SLC25A21: variants seen among roughly 807,000 people sequenced by gnomAD.
The protein encoded by SLC25A21 is solute carrier family 25 member 21.
SLC25A21 carries 47 observed loss-of-function variants against 43.8 expected under a neutral mutation model. The ratio of observed to expected loss-of-function variants is 1.07; its 90% CI spans 0.85 to 1.37. The LOEUF (loss-of-function observed/expected upper bound fraction) is 1.37. SLC25A21 is among the 40% of genes most tolerant of loss of function. The pLI is 0.00. For synonymous variants in SLC25A21, 131 were observed against 121.3 expected (o/e 1.08, Z -0.52); for missense variants, 352 against 350.2 (o/e 1.00, Z -0.04).
intron 4 of SLC25A21, 123 bp downstream of exon 4, chr14:36,734,384 T>C: frequency 1.7e-6 from 1 of 604,142 alleles, no homozygotes; most frequent in Non-Finnish European, 2.8e-6. Flanking sequence ...AATTATGCTA[T>C]AATTTCTGCA....
chr14:36,892,698 C>T (rs2138584869), intron 1 of SLC25A21, among the ~76,000 whole-genome samples: 1 of 152,110 alleles, frequency 6.6e-6, no homozygotes, highest in East Asian at 1.9e-4. Context: ...TCCCTCCCCA[C>T]TCCCCCAACC....
At chr14:37,150,943 G>C (rs1039166356) in intron 1 of SLC25A21, among the ~76,000 whole-genome samples, 15 of 151,908 alleles carry the variant, frequency 9.9e-5, no homozygotes, top group Non-Finnish European at 1.6e-4. Context: ...TTTCACAATT[G>C]TATTATTCTG....
intron 3 of SLC25A21, among the ~76,000 whole-genome samples, chr14:36,745,027 T>C (rs538477043): frequency 7.1e-4 from 81 of 114,796 alleles, no homozygotes; most frequent in Non-Finnish European, 1.0e-3. Flanking sequence ...CCCTCCAACA[T>C]GTTCCCCTCC....
intron 1 of SLC25A21, among the ~76,000 whole-genome samples, chr14:36,962,490 G>A (rs1314187397): frequency 6.6e-6 from 1 of 151,830 alleles, no homozygotes; most frequent in African/African-American, 2.4e-5. Flanking sequence ...TCCTCTCCCT[G>A]CCACCCCATA....
intron 6 of SLC25A21, among the ~76,000 whole-genome samples, chr14:36,717,942 G>A (rs868267319): frequency 6.6e-6 from 1 of 152,108 alleles, no homozygotes; most frequent in Non-Finnish European, 1.5e-5. Flanking sequence ...CAGTGGGATA[G>A]GGTTAGAGGG....
chr14:36,687,101 G>A (rs1882589280), intron 7 of SLC25A21, among the ~76,000 whole-genome samples: 1 of 152,138 alleles, frequency 6.6e-6, no homozygotes, highest in South Asian at 2.1e-4. Context: ...ACAGGCATGT[G>A]CCACCATACC....
At chr14:37,012,420 C>T (rs535172705) in intron 1 of SLC25A21, among the ~76,000 whole-genome samples, 1 of 152,188 alleles carries the variant, frequency 6.6e-6, no homozygotes, top group Non-Finnish European at 1.5e-5. Context: ...GTCTCAAGCT[C>T]CCTTAAAATG....
intron 1 of SLC25A21, among the ~76,000 whole-genome samples, chr14:36,953,509 T>C (rs1320098814): frequency 6.6e-6 from 1 of 152,136 alleles, no homozygotes; most frequent in African/African-American, 2.4e-5. Flanking sequence ...GAAAAAAATA[T>C]GAATCCCTGC....
At chr14:37,026,551 A>G (rs1015768412) in intron 1 of SLC25A21, among the ~76,000 whole-genome samples, 1 of 152,184 alleles carries the variant, frequency 6.6e-6, no homozygotes, top group Admixed American at 6.6e-5. Context: ...ACCAGCATCC[A>G]AAGTAAAACT....
intron 7 of SLC25A21, among the ~76,000 whole-genome samples, chr14:36,687,796 T>G (rs762645441): frequency 6.6e-6 from 1 of 152,234 alleles, no homozygotes; most frequent in Non-Finnish European, 1.5e-5. Context: ...TGGCTTTAGA[T>G]CAAGTTCCTG....
At chr14:37,134,737 T>C (rs985077331) in intron 1 of SLC25A21, among the ~76,000 whole-genome samples, 2 of 151,752 alleles carry the variant, frequency 1.3e-5, no homozygotes, top group African/African-American at 2.4e-5. Context: ...AGAAAAAATG[T>C]TGAAATATAG....
chr14:36,867,944 G>A (rs2138543507), intron 2 of SLC25A21, among the ~76,000 whole-genome samples: 1 of 151,960 alleles, frequency 6.6e-6, no homozygotes, highest in East Asian at 1.9e-4. Context: ...GAGGAGTCAG[G>A]ATTTGAACCC....
At chr14:37,069,985 G>A (rs1962139145) in intron 1 of SLC25A21, among the ~76,000 whole-genome samples, 1 of 152,166 alleles carries the variant, frequency 6.6e-6, no homozygotes, top group African/African-American at 2.4e-5. Context: ...AAGATCAGAT[G>A]TTCCTAGTGC....
intron 3 of SLC25A21, among the ~76,000 whole-genome samples, chr14:36,789,872 T>TTATATATTTATATAAAATATATATTA (rs1887409595): frequency 8.4e-6 from 1 of 118,474 alleles, no homozygotes; most frequent in African/African-American, 3.3e-5. Context: ...TAAAAATATA[T>TTATATATTTATATAAAATATATATTA]TATATATTTA....
chr14:36,717,974 A>T (rs1265421194), intron 6 of SLC25A21, among the ~76,000 whole-genome samples: 1 of 152,116 alleles, frequency 6.6e-6, no homozygotes, highest in Non-Finnish European at 1.5e-5. Flanking sequence ...AAAATCAACT[A>T]ATTTTTCTTT....
intron 1 of SLC25A21, among the ~76,000 whole-genome samples, chr14:37,130,566 C>T (rs1413951708): frequency 6.6e-6 from 1 of 152,202 alleles, no homozygotes; most frequent in African/African-American, 2.4e-5. Flanking sequence ...AAGTGCATTA[C>T]TGTGGCTACA....
chr14:36,721,870 C>T (rs546328874), intron 6 of SLC25A21, among the ~76,000 whole-genome samples: 4 of 152,320 alleles, frequency 2.6e-5, no homozygotes, highest in South Asian at 2.1e-4. Flanking sequence ...AAATTTTCTA[C>T]GATGAGCATA....
intron 1 of SLC25A21, among the ~76,000 whole-genome samples, chr14:36,969,381 C>T (rs1959697753): frequency 6.6e-6 from 1 of 152,106 alleles, no homozygotes; most frequent in Non-Finnish European, 1.5e-5. Context: ...GATTACAGGC[C>T]ACAGTAAATC....
intron 1 of SLC25A21, among the ~76,000 whole-genome samples, chr14:37,119,745 T>C (rs973214366): frequency 3.3e-5 from 5 of 152,156 alleles, no homozygotes; most frequent in African/African-American, 9.7e-5. Flanking sequence ...AAGAACCGTC[T>C]CTTGGGGTCT....
Sources: gnomAD v4.1 joint callset for allele counts (sites outside exome capture counted in the v4.1 genomes callset) on GRCh38, gnomAD v4.1.1 for gene constraint, MANE v1.5 for transcripts, NCBI Gene and HGNC (gene_info 2026-07-23, HGNC 2026-07-21) for gene names.